RPL22: variants seen among roughly 807,000 people sequenced by gnomAD.
RPL22 encodes the protein large ribosomal subunit protein eL22.
RPL22 carries 4 observed loss-of-function variants against 16.2 expected under a neutral mutation model. The observed-to-expected ratio is 0.25, with a 90% CI of 0.12 to 0.57. The LOEUF (loss-of-function observed/expected upper bound fraction) is 0.57. Among genes scored for constraint, RPL22 ranks in the 20% least tolerant of loss-of-function variants. RPL22 has a pLI of 0.92. For synonymous variants in RPL22, 43 were observed against 54.8 expected, an observed-to-expected ratio of 0.78 and a Z score of 0.95; for missense variants, 83 against 156.1, an observed-to-expected ratio of 0.53 and a Z score of 2.49.
rs1667737575 is a variant in RPL22 at position 6,197,676 on chromosome 1, A to G, written c.93T>C (p.Asp31=). ...CAAAATTGGCAGCATCCATGATTCCATCTTCTACAGGGTGGGTGCAATCAA... is the reference window on the plus strand; with the variant it reads ...CAAAATTGGCAGCATCCATGATTCCGTCTTCTACAGGGTGGGTGCAATCAA... ...FTLDCTHPVE[D]GIMDAANFEQ... The change falls in exon 2 of 4, where the codon GAT becomes GAC. Residue 31 remains aspartate (D), a synonymous_variant. Transcript: ENST00000234875. 1.9e-6 allele frequency: 3 copies of G among 1,613,424 alleles called. No homozygotes were observed. In the African/African-American group the frequency reaches 4.0e-5, roughly 22 times the overall value.
At position 6,193,036 on chromosome 1, in the gene RPL22, T is replaced by C; in HGVS notation, c.136A>G (p.Arg46Gly). Residue 46 changes from arginine to glycine, a missense_variant, in exon 3 of 4, where the codon AGG (arginine) becomes GGG (glycine). Arg to Gly is a moderately radical substitution (Grantham distance 125). Transcript: ENST00000234875. The stretch of plus-strand genomic sequence containing the variant: ...CCAGCTTTTCCGTTCACTTTGATCC[T>C]TTCTTGCAAAAACTGCTCCTGTAGA... ...AANFEQFLQE[R>G]IKVNGKAGNL... 1.2e-6 allele frequency: 2 copies of C among 1,614,182 alleles called. No individual in the cohort carries two copies. The highest frequency in any genetic ancestry group is 1.7e-6 in the Non-Finnish European group (2 of 1,180,012).
In RPL22 at chr1:6,193,049, C is replaced by A; in HGVS notation, c.123G>T (p.Gln41His). The A allele has an allele frequency of 6.2e-7, 1 of 1,614,168 alleles. No homozygotes were observed. The highest frequency in any genetic ancestry group is 8.5e-7 in the Non-Finnish European group (1 of 1,180,016). Residue 41 changes from glutamine (Q) to histidine (H), a missense_variant, in exon 3 of 4, where the codon CAG becomes CAT. Gln to His is a conservative substitution (Grantham distance 24). Transcript: ENST00000234875. ...DGIMDAANFEQFLQERIKVNG... is the reference protein window; with the variant it reads ...DGIMDAANFEHFLQERIKVNG... ...TCACTTTGATCCTTTCTTGCAAAAA[C>A]TGCTCCTGTAGAAATCATTAAATTG...
intron 2 of RPL22, 124 bp from the exon 3 acceptor site, chr1:6,193,178 C>T (rs1269107165): frequency 2.6e-6 from 3 of 1,158,218 alleles, no homozygotes; most frequent in African/African-American, 3.1e-5. Context: ...CAGAGTCTCA[C>T]CAGCGCAATC....
intron 3 of RPL22, among the ~76,000 whole-genome samples, chr1:6,188,722 G>A (rs190302501): frequency 1.2e-3 from 184 of 151,944 alleles, no homozygotes; most frequent in Admixed American, 2.4e-3. Flanking sequence ...AGTGAAAGGG[G>A]ATCCCTGCTA....
intron 1 of RPL22, chr1:6,199,212 C>T (rs1380437301): frequency 3.3e-6 from 1 of 307,402 alleles, no homozygotes; most frequent in South Asian, 1.4e-4. Context: ...GTAGCAGGTC[C>T]CGTTCTTCTT....
intron 3 of RPL22, among the ~76,000 whole-genome samples, chr1:6,189,045 C>T (rs1667616482): frequency 6.6e-6 from 1 of 152,186 alleles, no homozygotes; most frequent in African/African-American, 2.4e-5. Context: ...CTGGGCCTCC[C>T]AAAGTGCTGG....
Position 6,192,997 on chromosome 1 carries a change from C to G in RPL22, c.175G>C (p.Gly59Arg), listed in dbSNP as rs368828780. The G allele has an allele frequency of 1.9e-6, 3 of 1,614,072 alleles. No homozygotes were observed. Among genetic ancestry groups the G allele is most frequent in the Non-Finnish European group, 2.5e-6 (3 of 1,180,022 alleles). The change falls in exon 3 of 4, where the codon GGG becomes CGG. Residue 59 changes from glycine (G) to arginine (R), a missense_variant. Coordinates refer to ENST00000234875, the MANE Select transcript of RPL22 (RefSeq NM_000983.4). ...VNGKAGNLGG[G>R]VVTIERSKSK... ...TTGCTCCTTTCGATGGTCACCACCC[C>G]TCCACCAAGGTTCCCAGCTTTTCCG...
chr1:6,199,279 G>T, intron 1 of RPL22: 1 of 691,836 alleles, frequency 1.4e-6, no homozygotes. Flanking sequence ...ACCAGTGGCC[G>T]GCCCAGACCG....
chr1:6,186,160 C>G lies in RPL22; in HGVS notation c.*512G>C, dbSNP rs539525355. 5.5e-5 allele frequency: 13 copies of G among 234,520 alleles called. No individual in the cohort carries two copies. The highest frequency in any genetic ancestry group is 1.1e-4 in the Admixed American group (2 of 18,002). 14.5% of individuals were successfully genotyped at this position (234,520 alleles called of 1,614,324 possible). On this transcript the variant is annotated 3_prime_UTR_variant, in exon 4 of 4. Transcript: ENST00000234875. ...CTCTCTCTAGGAAGAAGAGGATTAGCAGACATAATTGTGTGCGTCAAGAGA... is the reference window on the plus strand; with the variant it reads ...CTCTCTCTAGGAAGAAGAGGATTAGGAGACATAATTGTGTGCGTCAAGAGA...
chr1:6,189,612 T>TAAAAAAAAAAAAAAA (rs550383303), intron 3 of RPL22, among the ~76,000 whole-genome samples: 7 of 125,792 alleles, frequency 5.6e-5, no homozygotes, highest in South Asian at 2.6e-4. Context: ...AAAATCAGGT[T>TAAAAAAAAAAAAAAA]AAAAAAAAAA....
intron 2 of RPL22, 88 bp from the exon 3 acceptor site, chr1:6,193,142 A>G: frequency 6.6e-7 from 1 of 1,507,246 alleles, no homozygotes. Context: ...CTGAACTAAT[A>G]TCATTTTTTG....
intron 3 of RPL22, among the ~76,000 whole-genome samples, chr1:6,187,444 C>A (rs181083312): frequency 1.9e-4 from 29 of 152,130 alleles, no homozygotes; most frequent in African/African-American, 7.0e-4. Flanking sequence ...GCAACCCTAT[C>A]TCTACTAAAA....
Position 6,186,240 on chromosome 1 carries a change from T to C in RPL22, c.*432A>G, listed in dbSNP as rs1229288624. 4.2e-6 allele frequency: 1 copy of C among 240,652 alleles called. No individual in the cohort carries two copies. Among genetic ancestry groups the C allele is most frequent in the Non-Finnish European group, 8.1e-6 (1 of 123,196 alleles). 14.9% of individuals were successfully genotyped at this position (240,652 alleles called of 1,614,324 possible). The stretch of plus-strand genomic sequence containing the variant: ...GAATGGCCCAGAAACCCGCATTTTA[T>C]TGACAGTCATTTTCCCACAGAGAAT... On this transcript the variant is annotated 3_prime_UTR_variant, in exon 4 of 4. Coordinates refer to ENST00000234875, the MANE Select transcript of RPL22 (RefSeq NM_000983.4).
chr1:6,192,340 C>T (rs1667662841), intron 3 of RPL22, among the ~76,000 whole-genome samples: 1 of 152,158 alleles, frequency 6.6e-6, no homozygotes, highest in Middle Eastern at 3.2e-3. Flanking sequence ...AGCCACTGTG[C>T]CCAGCCAAGA....
At chr1:6,194,279 G>A (rs1667688552) in intron 2 of RPL22, among the ~76,000 whole-genome samples, 1 of 152,176 alleles carries the variant, frequency 6.6e-6, no homozygotes, top group African/African-American at 2.4e-5. Flanking sequence ...AATCTAAGGA[G>A]TATAAAACAC....
chr1:6,188,724 T>G (rs7521209), intron 3 of RPL22, among the ~76,000 whole-genome samples: 1 of 151,454 alleles, frequency 6.6e-6, no homozygotes, highest in Non-Finnish European at 1.5e-5. Flanking sequence ...TGAAAGGGGA[T>G]CCCTGCTACT....
intron 3 of RPL22, among the ~76,000 whole-genome samples, chr1:6,192,124 A>T (rs1241759310): frequency 6.6e-6 from 1 of 151,602 alleles, no homozygotes; most frequent in Non-Finnish European, 1.5e-5. Context: ...ATCACAGCTC[A>T]TTACAACCCT....
intron 3 of RPL22, among the ~76,000 whole-genome samples, chr1:6,189,771 A>T (rs1384166722): frequency 6.6e-6 from 1 of 152,042 alleles, no homozygotes; most frequent in Non-Finnish European, 1.5e-5. Flanking sequence ...AATACAAAAA[A>T]TTAACCGGGC....
At chr1:6,188,059 CTTTTA>C (rs1222590357) in intron 3 of RPL22, among the ~76,000 whole-genome samples, 7 of 152,184 alleles carry the variant, frequency 4.6e-5, no homozygotes, top group Admixed American at 6.5e-5. Flanking sequence ...TTTAAAAACT[CTTTTA>C]TTTATTTTTT....
Sources: gnomAD v4.1 joint callset for allele counts (sites outside exome capture counted in the v4.1 genomes callset) on GRCh38, gnomAD v4.1.1 for gene constraint, MANE v1.5 for transcripts, NCBI Gene and HGNC (gene_info 2026-07-23, HGNC 2026-07-21) for gene names.